The following DROSHA variants were observed in gnomAD, a reference collection of about 807,000 sequenced individuals.
DROSHA encodes drosha ribonuclease III.
In DROSHA, 56 loss-of-function variants were observed where a neutral mutation model predicts 181.9. The ratio of observed to expected loss-of-function variants is 0.31; its 90% confidence interval spans 0.25 to 0.38. DROSHA has a LOEUF of 0.38. Ranked by LOEUF, DROSHA falls within the 10% of genes least tolerant of loss-of-function variation. The pLI is 1.00. For synonymous variants in DROSHA, 524 were observed against 591.2 expected, an observed-to-expected ratio of 0.89 and a Z score of 1.65; for missense variants, 1,218 against 1,743.5, an observed-to-expected ratio of 0.70 and a Z score of 5.37.
At chr5:31,509,880 G>C (rs1173732183) in intron 9 of DROSHA, among the ~76,000 whole-genome samples, 1 of 152,096 alleles carries the variant, frequency 6.6e-6, no homozygotes, top group East Asian at 1.9e-4. Flanking sequence ...GGGAACGGGG[G>C]AACTGGGGTC....
At chr5:31,519,607 T>C (rs1739659112) in intron 6 of DROSHA, among the ~76,000 whole-genome samples, 1 of 152,198 alleles carries the variant, frequency 6.6e-6, no homozygotes, top group Non-Finnish European at 1.5e-5. Context: ...TTGCCTTTTT[T>C]CAAATTTGTA....
intron 11 of DROSHA, among the ~76,000 whole-genome samples, chr5:31,501,786 T>G (rs948906556): frequency 7.2e-5 from 11 of 152,148 alleles, no homozygotes; most frequent in African/African-American, 2.4e-4. Flanking sequence ...TCACAGACAT[T>G]TATAGTTATA....
chr5:31,487,197 G>A (rs759671609), intron 13 of DROSHA, among the ~76,000 whole-genome samples: 14 of 152,138 alleles, frequency 9.2e-5, no homozygotes, highest in Non-Finnish European at 1.3e-4. Flanking sequence ...GAACAGTGCA[G>A]GAAGCTAAGG....
intron 20 of DROSHA, among the ~76,000 whole-genome samples, chr5:31,457,121 G>GC (rs1165952544): frequency 9.0e-6 from 1 of 111,498 alleles, no homozygotes; most frequent in Non-Finnish European, 1.8e-5. Context: ...AGGAAATTAA[G>GC]CCTTTTTTTT....
In DROSHA at chr5:31,514,234, C is replaced by A. The variant is rs1739023964; in HGVS notation, c.1290+754G>T. Among the ~76,000 whole-genome samples the A allele has an allele frequency of 1.4e-5, 2 of 148,096 alleles. No homozygotes were observed. The highest frequency in any genetic ancestry group is 4.2e-4 in the South Asian group (2 of 4,728). On this transcript the variant is annotated intron_variant, in intron 8 of 35. Transcript: ENST00000344624. The surrounding 1 kb of genome is among the most constrained non-coding windows in gnomAD (Gnocchi z 4.4). ...TATTTTTCATTTTGGAGAAAACACA[C>A]ACACACACACACACACACACACACA...
intron 30 of DROSHA, among the ~76,000 whole-genome samples, chr5:31,419,188 A>G (rs912862937): frequency 1.3e-5 from 2 of 152,118 alleles, no homozygotes; most frequent in Non-Finnish European, 2.9e-5. Context: ...AGGAGGAGGG[A>G]GCAGCCATGT....
chr5:31,417,621 AGTAGT>A (rs1190065439), intron 30 of DROSHA, among the ~76,000 whole-genome samples: 1 of 152,170 alleles, frequency 6.6e-6, no homozygotes, highest in Non-Finnish European at 1.5e-5. Flanking sequence ...CAAATTAGGA[AGTAGT>A]GTAAAGATGT....
Position 31,400,776 on chromosome 5 carries a change from G to C in DROSHA, c.*656C>G, listed in dbSNP as rs1049043869. On this transcript the variant is annotated 3_prime_UTR_variant, in exon 36 of 36. Coordinates refer to ENST00000344624, the MANE Select transcript of DROSHA (RefSeq NM_001382508.1). The stretch of plus-strand genomic sequence containing the variant: ...AAAGGTTCCACTAACCCCAGGGTGA[G>C]AGCACTTGGTTTAAAGTGTGGCCTG... 10 of 152,710 alleles carry C rather than the reference G, an allele frequency of 6.5e-5. No individual in the cohort carries two copies. The highest frequency in any genetic ancestry group is 2.4e-4 in the African/African-American group (10 of 41,444). The allele number at this position is 152,710 out of a possible 1,614,324, so 9.5% of individuals were successfully genotyped here.
intron 12 of DROSHA, among the ~76,000 whole-genome samples, chr5:31,494,009 C>T (rs1334089927): frequency 6.6e-6 from 1 of 151,420 alleles, no homozygotes; most frequent in Non-Finnish European, 1.5e-5. Context: ...CACTCTCTTC[C>T]CCAGGCTGGA....
At chr5:31,490,106 C>T (rs1403632059) in intron 13 of DROSHA, among the ~76,000 whole-genome samples, 3 of 151,444 alleles carry the variant, frequency 2.0e-5, no homozygotes, top group Non-Finnish European at 2.9e-5. Flanking sequence ...AAACTCCTGA[C>T]CTCAGGTGAT....
At chr5:31,523,970 T>G (rs1220691040) in intron 5 of DROSHA, among the ~76,000 whole-genome samples, 1 of 108,022 alleles carries the variant, frequency 9.3e-6, no homozygotes, top group East Asian at 2.6e-4. Context: ...AGCAAAACTT[T>G]GTCTCCAAAA....
chr5:31,410,462 T>C (rs1741174752), intron 31 of DROSHA, among the ~76,000 whole-genome samples: 1 of 152,238 alleles, frequency 6.6e-6, no homozygotes, highest in Non-Finnish European at 1.5e-5. Context: ...CTTCATATTC[T>C]ATTACTGTTT....
At chr5:31,479,059 C>T (rs1029286056) in intron 16 of DROSHA, among the ~76,000 whole-genome samples, 10 of 151,956 alleles carry the variant, frequency 6.6e-5, no homozygotes, top group African/African-American at 2.4e-4. Context: ...TCCATCCATA[C>T]TATAAAATGC....
intron 29 of DROSHA, chr5:31,421,641 C>A: frequency 2.7e-6 from 1 of 372,612 alleles, no homozygotes; most frequent in Non-Finnish European, 4.9e-6. Flanking sequence ...ACTGCCTGGT[C>A]AGAAGCTGAA....
rs1180639317 is a variant in DROSHA at position 31,409,473 on chromosome 5, TCTTCCCCCAC to T, written c.3668-151_3668-142del. On this transcript the variant is annotated intron_variant, in intron 31 of 35. Transcript: ENST00000344624. This position sits in a 1 kb window ranked among gnomAD's most constrained non-coding sequence, Gnocchi z 4.0. Reference sequence around the variant, plus strand: ...TTTATTTTTCAGTGCTACCATTTCATCTTCCCCCACTTTTTATCATTAATATCAGAAGCAG... The same window carrying T: ...TTTATTTTTCAGTGCTACCATTTCATTTTTTATCATTAATATCAGAAGCAG... 1.5e-6 allele frequency: 1 copy of T among 684,646 alleles called. No homozygotes were observed. The highest frequency in any genetic ancestry group is 2.5e-6 in the Non-Finnish European group (1 of 404,280). The allele number at this position is 684,646 out of a possible 1,614,324, so 42.4% of individuals were successfully genotyped here. A position where few individuals can be genotyped will look rare whatever the true frequency, so the allele number is the denominator to read the frequency against.
chr5:31,409,474 C>T lies in DROSHA; in HGVS notation c.3668-142G>A, dbSNP rs908377847. On this transcript the variant is annotated intron_variant, in intron 31 of 35. Transcript: ENST00000344624. The surrounding 1 kb of genome is among the most constrained non-coding windows in gnomAD (Gnocchi z 4.0). ...TTATTTTTCAGTGCTACCATTTCAT[C>T]TTCCCCCACTTTTTATCATTAATAT... 21 of 677,160 alleles carry T rather than the reference C, an allele frequency of 3.1e-5. No homozygotes were observed. In the Admixed American group the frequency reaches 5.0e-4, roughly 16 times the overall value. The allele number at this position is 677,160 out of a possible 1,614,324, so 41.9% of individuals were successfully genotyped here. A position where few individuals can be genotyped will look rare whatever the true frequency, so the allele number is the denominator to read the frequency against.
chr5:31,468,601 AAC>A (rs1488957417), intron 17 of DROSHA, among the ~76,000 whole-genome samples: 1 of 152,240 alleles, frequency 6.6e-6, no homozygotes, highest in Non-Finnish European at 1.5e-5. Context: ...TGTGTATTTT[AAC>A]AGAGAGCCTC....
rs1260437486 is a variant in DROSHA, at chr5:31,401,412, C to T, written c.*20G>A. On this transcript the variant is annotated 3_prime_UTR_variant, in exon 36 of 36. Coordinates refer to ENST00000344624, the MANE Select transcript of DROSHA (RefSeq NM_001382508.1). ...CACAGTTACTGAGCAAGTAAATACT[C>T]CACACTTGCATGCCCTCCTTTATTT... 6.2e-7 allele frequency: 1 copy of T among 1,608,364 alleles called. No individual in the cohort carries two copies. The highest frequency in any genetic ancestry group is 8.5e-7 in the Non-Finnish European group (1 of 1,176,330).
chr5:31,430,605 A>T (rs1179946992), intron 26 of DROSHA, among the ~76,000 whole-genome samples: 26 of 152,238 alleles, frequency 1.7e-4, no homozygotes, highest in Admixed American at 1.7e-3. Context: ...TAAATGATGG[A>T]ACAGGAAATT....
Sources: allele counts gnomAD v4.1 joint callset (sites outside exome capture counted in the v4.1 genomes callset), GRCh38; gene constraint gnomAD v4.1.1; non-coding constraint Gnocchi (gnomAD v3.1); transcripts MANE v1.5; gene names NCBI Gene and HGNC (gene_info 2026-07-23, HGNC 2026-07-21).